The following VPS13B variants were observed in gnomAD, a reference collection of about 807,000 sequenced individuals.
VPS13B encodes the protein intermembrane lipid transfer protein VPS13B.
In VPS13B, 285 loss-of-function variants were observed where a neutral mutation model predicts 426.4. The ratio of observed to expected loss-of-function variants is 0.67; its 90% confidence interval spans 0.61 to 0.74. VPS13B has a LOEUF of 0.74. Among genes scored for constraint, VPS13B ranks in the 30% least tolerant of loss-of-function variants. The pLI, the probability that VPS13B is intolerant of heterozygous loss-of-function variation, is 0.00. For missense variants in VPS13B, 4,537 were observed against 4,782.6 expected, an observed-to-expected ratio of 0.95 and a Z score of 1.51; for synonymous variants, 1,676 against 1,676.4, an observed-to-expected ratio of 1.00 and a Z score of 0.01.
At chr8:99,618,282 CAAAAA>C (rs11301760) in intron 33 of VPS13B, among the ~76,000 whole-genome samples, 6 of 117,192 alleles carry the variant, frequency 5.1e-5, no homozygotes, top group African/African-American at 9.2e-5. Flanking sequence ...GTGTATATTT[CAAAAA>C]AAAAAAAAAA....
At chr8:99,325,618 A>G (rs984426607) in intron 19 of VPS13B, among the ~76,000 whole-genome samples, 9 of 152,210 alleles carry the variant, frequency 5.9e-5, no homozygotes, top group African/African-American at 1.7e-4. Context: ...CAAAATCTCA[A>G]TCAGCTTAAA....
At chr8:99,848,325 T>C (rs1284771206) in intron 54 of VPS13B, among the ~76,000 whole-genome samples, 1 of 152,238 alleles carries the variant, frequency 6.6e-6, no homozygotes, top group Non-Finnish European at 1.5e-5. Context: ...GGTATGTTTT[T>C]GTGTCCCTAG....
chr8:99,682,370 T>C (rs1831188793), intron 35 of VPS13B, among the ~76,000 whole-genome samples: 1 of 152,170 alleles, frequency 6.6e-6, no homozygotes, highest in Non-Finnish European at 1.5e-5. Flanking sequence ...GATTTAAAAA[T>C]TAGGCTATCT....
Position 99,784,365 on chromosome 8 carries a change from T to C in VPS13B, c.7830T>C (p.Cys2610=). ...TGGTCTTCAGCCATTTTGTGATCTGTAATGACACACAGGAGACACTGCGGT... is the reference window on the plus strand; with the variant it reads ...TGGTCTTCAGCCATTTTGTGATCTGCAATGACACACAGGAGACACTGCGGT... ...EELVFSHFVI[C]NDTQETLRFG... is the part of the protein sequence containing the mutation. Residue 2610 remains cysteine, a synonymous_variant, in exon 43 of 62, where the codon TGT becomes TGC. Transcript: ENST00000357162. The C allele has an allele frequency of 1.2e-6, 2 of 1,613,740 alleles. No homozygotes were observed. The highest frequency in any genetic ancestry group is 8.5e-7 in the Non-Finnish European group (1 of 1,179,718).
chr8:99,794,863 C>G (rs1265091537), intron 43 of VPS13B, among the ~76,000 whole-genome samples: 11 of 152,120 alleles, frequency 7.2e-5, no homozygotes, highest in Non-Finnish European at 1.3e-4. Flanking sequence ...GGGACATAAC[C>G]CTTAAGAGTC....
At chr8:99,725,497 A>G (rs1157138671) in intron 39 of VPS13B, among the ~76,000 whole-genome samples, 1 of 152,208 alleles carries the variant, frequency 6.6e-6, no homozygotes, top group Non-Finnish European at 1.5e-5. Context: ...CTGAAGTGGA[A>G]CAGTTTTATC....
intron 43 of VPS13B, among the ~76,000 whole-genome samples, chr8:99,785,158 G>A (rs988090561): frequency 1.3e-5 from 2 of 152,136 alleles, no homozygotes; most frequent in African/African-American, 2.4e-5. Flanking sequence ...GTCCTGTAGC[G>A]ATAATATGAA....
chr8:99,247,720 C>T (rs776711887), intron 17 of VPS13B, among the ~76,000 whole-genome samples: 3 of 152,158 alleles, frequency 2.0e-5, no homozygotes. Context: ...ATTTGCGTTA[C>T]AACTATAAGT....
chr8:99,228,825 C>T (rs766493310), intron 17 of VPS13B, among the ~76,000 whole-genome samples: 1 of 151,962 alleles, frequency 6.6e-6, no homozygotes, highest in Non-Finnish European at 1.5e-5. Flanking sequence ...TACTGCTGGA[C>T]GTTCAAAAGG....
At chr8:99,302,840 G>A (rs1205954958) in intron 19 of VPS13B, among the ~76,000 whole-genome samples, 1 of 152,022 alleles carries the variant, frequency 6.6e-6, no homozygotes, top group African/African-American at 2.4e-5. Context: ...AAAACAGAAT[G>A]GCTCCATGGG....
chr8:99,477,687 A>G (rs1176173721), intron 24 of VPS13B, among the ~76,000 whole-genome samples: 3 of 152,222 alleles, frequency 2.0e-5, no homozygotes, highest in Admixed American at 6.5e-5. Flanking sequence ...TAGTTAATGT[A>G]CTTTAAAAAT....
intron 30 of VPS13B, among the ~76,000 whole-genome samples, chr8:99,544,342 T>C (rs904011610): frequency 3.9e-5 from 6 of 151,980 alleles, no homozygotes; most frequent in Admixed American, 2.0e-4. Flanking sequence ...AGGGATAGCA[T>C]TGGGAGATAT....
chr8:99,515,386 G>C (rs1189118319), intron 29 of VPS13B, among the ~76,000 whole-genome samples: 1 of 151,452 alleles, frequency 6.6e-6, no homozygotes, highest in Non-Finnish European at 1.5e-5. Context: ...TGCTGCTGCT[G>C]CTGCTGCTTC....
intron 12 of VPS13B, among the ~76,000 whole-genome samples, chr8:99,138,236 C>T (rs1039191272): frequency 6.6e-6 from 1 of 152,210 alleles, no homozygotes; most frequent in Non-Finnish European, 1.5e-5. Flanking sequence ...AAGCGATTCT[C>T]ATGCCTCAGC....
chr8:99,493,780 T>TAAAAAAAAAAAAAAAAA (rs376555643), intron 25 of VPS13B, among the ~76,000 whole-genome samples: 46 of 60,794 alleles, frequency 7.6e-4, no homozygotes, highest in African/African-American at 9.6e-4. Flanking sequence ...AGACTCTATC[T>TAAAAAAAAAAAAAAAAA]AAAAAAAAAA....
At chr8:99,343,801 A>G (rs1811381050) in intron 19 of VPS13B, among the ~76,000 whole-genome samples, 1 of 152,218 alleles carries the variant, frequency 6.6e-6, no homozygotes, top group Non-Finnish European at 1.5e-5. Context: ...ACTATAGAAC[A>G]CTGATGAAAG....
At chr8:99,348,743 C>T (rs974521759) in intron 19 of VPS13B, among the ~76,000 whole-genome samples, 10 of 152,098 alleles carry the variant, frequency 6.6e-5, no homozygotes, top group Non-Finnish European at 1.3e-4. Context: ...CTTTATTTTT[C>T]AGTAATTTAT....
chr8:99,314,790 T>C lies in VPS13B; in HGVS notation c.2824+39536T>C, dbSNP rs74956424. On this transcript the variant is annotated intron_variant, in intron 19 of 61. Transcript: ENST00000357162. ...GAGCTAATGATATTTGCTTTATATA[T>C]CTGGGTGCTTGGTGTTGGGTGCATA... Among the ~76,000 whole-genome samples, 135 of 152,330 alleles carry C rather than the reference T, an allele frequency of 8.9e-4. 1 individual carries two copies. The highest frequency in any genetic ancestry group is 3.1e-3 in the African/African-American group (129 of 41,580).
chr8:99,699,433 G>A, intron 35 of VPS13B, 92 bp from the exon 36 acceptor site: 2 of 1,405,282 alleles, frequency 1.4e-6, no homozygotes, highest in South Asian at 1.2e-5. Context: ...ATGGATCTTG[G>A]GACACTTTTA....
Sources: gnomAD v4.1 joint callset for allele counts (sites outside exome capture counted in the v4.1 genomes callset) on GRCh38, gnomAD v4.1.1 for gene constraint, MANE v1.5 for transcripts, NCBI Gene and HGNC (gene_info 2026-07-23, HGNC 2026-07-21) for gene names.